The following ZNF407 variants were observed in gnomAD, a reference collection of about 807,000 sequenced individuals.
The protein encoded by ZNF407 is zinc finger protein 407.
A neutral mutation model predicts 131.2 loss-of-function variants in ZNF407; 17 were observed. That is an observed-to-expected ratio of 0.13 (90% CI 0.09 to 0.19). The LOEUF (loss-of-function observed/expected upper bound fraction) is 0.19, where lower values mean the gene tolerates loss of function less well. Among genes scored for constraint, ZNF407 ranks in the 10% least tolerant of loss-of-function variants. ZNF407 has a pLI of 1.00. For synonymous variants in ZNF407, 1,156 were observed against 1,062.0 expected (o/e 1.09, Z -1.72); for missense variants, 2,681 against 2,830.6 (o/e 0.95, Z 1.20).
At chr18:74,947,865 T>C (rs1383806589) in intron 8 of ZNF407, among the ~76,000 whole-genome samples, 1 of 152,238 alleles carries the variant, frequency 6.6e-6, no homozygotes, top group Non-Finnish European at 1.5e-5. Context: ...TCATTTCTTT[T>C]CTCCATTTCT....
chr18:74,638,942 A>G (rs1021482222), intron 2 of ZNF407, among the ~76,000 whole-genome samples: 3 of 152,130 alleles, frequency 2.0e-5, no homozygotes, highest in African/African-American at 7.2e-5. Context: ...GCGGAGAAGT[A>G]TTACCTCTGC....
At chr18:74,976,269 C>T (rs767199697) in intron 8 of ZNF407, among the ~76,000 whole-genome samples, 9 of 152,198 alleles carry the variant, frequency 5.9e-5, no homozygotes, top group African/African-American at 2.2e-4. Context: ...TTTACGTGTT[C>T]TGTCACATTA....
At chr18:74,955,040 G>A (rs1972259834) in intron 8 of ZNF407, among the ~76,000 whole-genome samples, 1 of 152,242 alleles carries the variant, frequency 6.6e-6, no homozygotes, top group South Asian at 2.1e-4. Context: ...ATAGTCCAGA[G>A]ATAAGGACCT....
At chr18:74,730,459 C>A (rs1968268804) in intron 3 of ZNF407, among the ~76,000 whole-genome samples, 1 of 152,196 alleles carries the variant, frequency 6.6e-6, no homozygotes. Context: ...GAAGCAATTG[C>A]TGCCTTGTGT....
intron 8 of ZNF407, among the ~76,000 whole-genome samples, chr18:74,977,165 G>A (rs568646165): frequency 6.6e-6 from 1 of 152,234 alleles, no homozygotes; most frequent in Non-Finnish European, 1.5e-5. Context: ...GATAATACTT[G>A]CAGTAGCTCT....
At chr18:74,878,289 G>A (rs778305176) in intron 5 of ZNF407, among the ~76,000 whole-genome samples, 108 of 151,736 alleles carry the variant, frequency 7.1e-4, no homozygotes, top group South Asian at 1.5e-3. Context: ...TTGTTTCAGG[G>A]AAAAAAAATA....
At chr18:75,002,771 C>T (rs368168676) in intron 8 of ZNF407, among the ~76,000 whole-genome samples, 1 of 146,818 alleles carries the variant, frequency 6.8e-6, no homozygotes, top group South Asian at 2.2e-4. Flanking sequence ...CGCCACTGCA[C>T]TCCAGCCTGG....
chr18:74,891,511 A>G (rs1313931867), intron 7 of ZNF407, among the ~76,000 whole-genome samples: 2 of 152,204 alleles, frequency 1.3e-5, no homozygotes, highest in African/African-American at 4.8e-5. Flanking sequence ...TTTATGTGAA[A>G]GGTCATCATA....
In ZNF407 at chr18:74,635,203, C is replaced by T; in HGVS notation, c.4184C>T (p.Ala1395Val). 6.2e-7 allele frequency: 1 copy of T among 1,613,974 alleles called. No homozygotes were observed. The highest frequency in any genetic ancestry group is 2.2e-5 in the East Asian group (1 of 44,876). Residue 1395 changes from alanine to valine, a missense_variant, in exon 2 of 9, where the codon GCT (alanine) becomes GTT (valine). Ala to Val is a moderately conservative substitution (Grantham distance 64, BLOSUM62 0). This residue lies in a region of ZNF407 where 1,789 missense variants were observed against 1,748.7 expected (regional missense o/e 1.02). Coordinates refer to ENST00000299687, the MANE Select transcript of ZNF407 (RefSeq NM_017757.3). The surrounding 1 kb of genome is among the most constrained non-coding windows in gnomAD (Gnocchi z 4.7). ...RISELPLKDC[A>V]QGVKKKKSEG... ...AGTGAGCTGCCCTTGAAAGACTGTG[C>T]TCAAGGTGTGAAAAAGAAGAAATCT...
intron 8 of ZNF407, among the ~76,000 whole-genome samples, chr18:74,978,684 A>G (rs1972554852): frequency 6.6e-6 from 1 of 151,818 alleles, no homozygotes; most frequent in Non-Finnish European, 1.5e-5. Context: ...GGTTTAAAAC[A>G]TGGAAGTATG....
At chr18:74,938,655 T>G (rs1972065186) in intron 8 of ZNF407, among the ~76,000 whole-genome samples, 1 of 152,220 alleles carries the variant, frequency 6.6e-6, no homozygotes, top group South Asian at 2.1e-4. Context: ...TGGATGAATG[T>G]AGATTGCACC....
intron 3 of ZNF407, among the ~76,000 whole-genome samples, chr18:74,684,254 C>G (rs1481294204): frequency 6.6e-6 from 1 of 151,896 alleles, no homozygotes; most frequent in Non-Finnish European, 1.5e-5. Context: ...CAGATTATCC[C>G]CCTACCCCAC....
intron 3 of ZNF407, among the ~76,000 whole-genome samples, chr18:74,662,113 G>A (rs535055141): frequency 6.6e-6 from 1 of 151,634 alleles, no homozygotes; most frequent in African/African-American, 2.4e-5. Flanking sequence ...GCATTTTTGT[G>A]AGGTATATTT....
intron 8 of ZNF407, among the ~76,000 whole-genome samples, chr18:75,037,725 G>A (rs1973325912): frequency 6.6e-6 from 1 of 152,112 alleles, no homozygotes; most frequent in Non-Finnish European, 1.5e-5. Flanking sequence ...TTCACACTGA[G>A]CATTTGCCAT....
At chr18:74,918,529 A>G (rs979002015) in intron 7 of ZNF407, among the ~76,000 whole-genome samples, 2 of 152,208 alleles carry the variant, frequency 1.3e-5, no homozygotes, top group Non-Finnish European at 2.9e-5. Context: ...GAATTTATAT[A>G]TAAAGCAAGT....
intron 8 of ZNF407, among the ~76,000 whole-genome samples, chr18:74,991,546 TAC>T (rs1056372244): frequency 2.0e-5 from 3 of 152,228 alleles, no homozygotes; most frequent in African/African-American, 7.2e-5. Context: ...TTATAGCATA[TAC>T]ATATATATTC....
At chr18:74,810,158 A>G (rs1246588084) in intron 4 of ZNF407, among the ~76,000 whole-genome samples, 1 of 152,230 alleles carries the variant, frequency 6.6e-6, no homozygotes, top group Non-Finnish European at 1.5e-5. Flanking sequence ...CACTGGGATC[A>G]GAAGCACTGA....
At chr18:74,729,871 C>T (rs771538773) in intron 3 of ZNF407, among the ~76,000 whole-genome samples, 18 of 152,106 alleles carry the variant, frequency 1.2e-4, no homozygotes, top group African/African-American at 3.9e-4. Context: ...CAGTTTTGGC[C>T]GGCAATATAG....
intron 8 of ZNF407, among the ~76,000 whole-genome samples, chr18:74,949,847 C>T (rs1464976033): frequency 1.3e-5 from 2 of 152,162 alleles, no homozygotes; most frequent in Non-Finnish European, 2.9e-5. Flanking sequence ...ACTCTCAGAC[C>T]ACAGCTGAAA....
Sources: gnomAD v4.1 joint callset for allele counts (sites outside exome capture counted in the v4.1 genomes callset) on GRCh38, gnomAD v4.1.1 for gene constraint, gnomAD v4.1.1 regional missense constraint, Gnocchi (gnomAD v3.1) non-coding constraint, MANE v1.5 for transcripts, NCBI Gene and HGNC (gene_info 2026-07-23, HGNC 2026-07-21) for gene names.